The following CHST8 variants were observed in gnomAD, a reference collection of about 807,000 sequenced individuals.
The protein encoded by CHST8 is carbohydrate sulfotransferase 8.
CHST8 carries 10 observed loss-of-function variants against 15.0 expected under a neutral mutation model. The observed-to-expected ratio is 0.67, with a 90% CI of 0.41 to 1.13. The LOEUF (loss-of-function observed/expected upper bound fraction) is 1.13, where lower values mean the gene tolerates loss of function less well. Among genes scored for constraint, CHST8 ranks in the 50% most tolerant of loss-of-function variants. The pLI is 0.00. For synonymous variants in CHST8, 259 were observed against 256.6 expected, an observed-to-expected ratio of 1.01 and a Z score of -0.09; for missense variants, 634 against 608.2, an observed-to-expected ratio of 1.04 and a Z score of -0.45.
intron 1 of CHST8, among the ~76,000 whole-genome samples, chr19:33,627,700 G>A (rs77129963): frequency 0.1 from 15,315 of 152,198 alleles, 979 homozygotes; most frequent in East Asian, 0.19. Context: ...AATCATCAAC[G>A]TTGAAACCTG....
chr19:33,686,902 C>A (rs949653146), intron 2 of CHST8, among the ~76,000 whole-genome samples: 2 of 152,228 alleles, frequency 1.3e-5, no homozygotes, highest in South Asian at 4.1e-4. Context: ...TCCGTGGGTG[C>A]GGTGCACATG....
chr19:33,651,891 A>G (rs939799506), intron 1 of CHST8, among the ~76,000 whole-genome samples: 1 of 152,168 alleles, frequency 6.6e-6, no homozygotes, highest in Non-Finnish European at 1.5e-5. Flanking sequence ...AGAAGTCTAT[A>G]TAGATCGGTA....
intron 3 of CHST8, among the ~76,000 whole-genome samples, chr19:33,702,874 C>T (rs996883980): frequency 3.3e-5 from 5 of 152,194 alleles, no homozygotes; most frequent in African/African-American, 9.7e-5. Flanking sequence ...AGGATTACCT[C>T]GGGTCTGGAG....
chr19:33,690,096 G>C (rs978689555), intron 3 of CHST8, among the ~76,000 whole-genome samples: 17 of 152,186 alleles, frequency 1.1e-4, no homozygotes, highest in African/African-American at 4.1e-4. Context: ...AGGTCAGCTG[G>C]CAGGGTGCCA....
chr19:33,684,070 G>GC (rs898937076), intron 2 of CHST8, among the ~76,000 whole-genome samples: 25 of 152,196 alleles, frequency 1.6e-4, no homozygotes, highest in Non-Finnish European at 2.5e-4. Context: ...ACGCTCTCAG[G>GC]CCCCCCTCGC....
At chr19:33,707,655 C>CATG (rs1332716252) in intron 3 of CHST8, among the ~76,000 whole-genome samples, 15 of 152,254 alleles carry the variant, frequency 9.9e-5, no homozygotes, top group African/African-American at 3.4e-4. Flanking sequence ...GATCTGTTCA[C>CATG]CAGCTGCTGG....
chr19:33,652,306 C>T lies in CHST8; in HGVS notation c.-163-15461C>T, dbSNP rs546172047. Among the ~76,000 whole-genome samples, 3 of 150,862 alleles carry T rather than the reference C, an allele frequency of 2.0e-5. No homozygotes were observed. The South Asian group carries it at 6.3e-4, about 32-fold the overall frequency. On this transcript the variant is annotated intron_variant, in intron 1 of 4. Coordinates refer to ENST00000650847, the MANE Select transcript of CHST8 (RefSeq NM_001127895.2). ...CTGTGTCATCATGTTTTGAAAGTGTCCCTCTAGTAAGTTTAGTTGGTTTTC... is the reference window on the plus strand; with the variant it reads ...CTGTGTCATCATGTTTTGAAAGTGTTCCTCTAGTAAGTTTAGTTGGTTTTC...
intron 1 of CHST8, among the ~76,000 whole-genome samples, chr19:33,648,124 C>T (rs10420103): frequency 4.2e-4 from 64 of 151,974 alleles, no homozygotes; most frequent in African/African-American, 1.5e-3. Context: ...GACAATTCTC[C>T]TAGGGTCAAA....
chr19:33,762,252 C>G (rs1379125060), intron 3 of CHST8, among the ~76,000 whole-genome samples: 1 of 152,164 alleles, frequency 6.6e-6, no homozygotes, highest in African/African-American at 2.4e-5. Flanking sequence ...AGGCAGGGCA[C>G]CAGCTCAGGA....
At chr19:33,684,117 A>C (rs73591067) in intron 2 of CHST8, among the ~76,000 whole-genome samples, 1,647 of 152,162 alleles carry the variant, frequency 0.011, 29 homozygotes, top group African/African-American at 0.033. Flanking sequence ...TCAGACTCCA[A>C]CTGGAATGTG....
At chr19:33,654,991 G>A (rs1341024738) in intron 1 of CHST8, among the ~76,000 whole-genome samples, 1 of 152,280 alleles carries the variant, frequency 6.6e-6, no homozygotes, top group East Asian at 1.9e-4. Context: ...AGACATGGTA[G>A]GTCAAGCCTG....
chr19:33,772,341 T>C lies in CHST8; in HGVS notation c.553T>C (p.Phe185Leu). 1.9e-6 allele frequency: 3 copies of C among 1,606,628 alleles called. No homozygotes were observed. Among genetic ancestry groups the C allele is most frequent in the Non-Finnish European group, 2.5e-6 (3 of 1,179,218 alleles). Residue 185 changes from phenylalanine to leucine, a missense_variant, in exon 5 of 5, where the codon TTC becomes CTC. Transcript: ENST00000650847. ...CACGCCCCGCCACGTGTCCCGTATCTTCGTGGAGGACCGCCACCGCGTGCT... is the reference window on the plus strand; with the variant it reads ...CACGCCCCGCCACGTGTCCCGTATCCTCGTGGAGGACCGCCACCGCGTGCT... ...AVTPRHVSRI[F>L]VEDRHRVLYC... is the part of the protein sequence containing the mutation.
At chr19:33,757,457 A>AG (rs1974588090) in intron 3 of CHST8, among the ~76,000 whole-genome samples, 1 of 41,314 alleles carries the variant, frequency 2.4e-5, no homozygotes, top group East Asian at 4.5e-4. Context: ...AAAGAAAGAA[A>AG]GAAAGAAAGA....
intron 2 of CHST8, among the ~76,000 whole-genome samples, chr19:33,683,537 A>T (rs1972925993): frequency 6.6e-6 from 1 of 152,018 alleles, no homozygotes; most frequent in Non-Finnish European, 1.5e-5. Context: ...TACTCTTTGG[A>T]CCTGATTCCA....
rs1972340392 is a variant in CHST8, at chr19:33,645,431, T to C, written c.-163-22336T>C. Among the ~76,000 whole-genome samples the C allele has an allele frequency of 2.0e-5, 3 of 152,168 alleles. 1 individual carries two copies. In the South Asian group the frequency reaches 6.2e-4, roughly 31 times the overall value. ...GAGGCCTGGCAGTGGGAGAGGATGA[T>C]CCAGCCAAGATGCTGGCAGTGGACG... On this transcript the variant is annotated intron_variant, in intron 1 of 4. Transcript: ENST00000650847.
chr19:33,629,393 C>T (rs557532790), intron 1 of CHST8, among the ~76,000 whole-genome samples: 2 of 152,374 alleles, frequency 1.3e-5, no homozygotes, highest in South Asian at 2.1e-4. Context: ...AGCCCTCTCT[C>T]CTTTTCCTCC....
intron 2 of CHST8, among the ~76,000 whole-genome samples, chr19:33,681,251 A>C (rs1972884364): frequency 6.6e-6 from 1 of 152,214 alleles, no homozygotes; most frequent in Non-Finnish European, 1.5e-5. Flanking sequence ...GCCCAGGTGG[A>C]ACTCACCTCA....
At chr19:33,682,559 G>A (rs905939729) in intron 2 of CHST8, among the ~76,000 whole-genome samples, 2 of 152,178 alleles carry the variant, frequency 1.3e-5, no homozygotes, top group African/African-American at 2.4e-5. Flanking sequence ...ACAACTCCCT[G>A]TTCCTCCTTC....
intron 1 of CHST8, among the ~76,000 whole-genome samples, chr19:33,658,944 ATTC>A (rs1306367549): frequency 2.0e-5 from 3 of 150,794 alleles, no homozygotes; most frequent in South Asian, 4.2e-4. Context: ...TTGTTTGACT[ATTC>A]TTCTTCTAAT....
Sources: gnomAD v4.1 joint callset for allele counts (sites outside exome capture counted in the v4.1 genomes callset) on GRCh38, gnomAD v4.1.1 for gene constraint, MANE v1.5 for transcripts, NCBI Gene and HGNC (gene_info 2026-07-23, HGNC 2026-07-21) for gene names.